Variants in PTPRD observed in about 807,000 individuals in gnomAD.
The protein encoded by PTPRD is protein tyrosine phosphatase receptor type D.
In PTPRD, 34 loss-of-function variants were observed where a neutral mutation model predicts 214.5. That is an observed-to-expected ratio of 0.16 (90% CI 0.12 to 0.21). The LOEUF is 0.21. Among genes scored for constraint, PTPRD ranks in the 10% least tolerant of loss-of-function variants. The pLI, the probability that PTPRD is intolerant of heterozygous loss-of-function variation, is 1.00. For synonymous variants in PTPRD, 1,128 were observed against 845.7 expected, an observed-to-expected ratio of 1.33 and a Z score of -5.79; for missense variants, 2,545 against 2,398.7, an observed-to-expected ratio of 1.06 and a Z score of -1.27.
intron 7 of PTPRD, among the ~76,000 whole-genome samples, chr9:9,707,209 G>A (rs895183421): frequency 6.6e-6 from 1 of 152,046 alleles, no homozygotes; most frequent in Admixed American, 6.6e-5. Context: ...TACATGTAAG[G>A]TATATTCTGA....
At chr9:9,452,591 A>G (rs932343595) in intron 8 of PTPRD, among the ~76,000 whole-genome samples, 36 of 151,286 alleles carry the variant, frequency 2.4e-4, no homozygotes, top group East Asian at 1.9e-4. Flanking sequence ...AACTTCCCAT[A>G]GCTAACTTAC....
intron 3 of PTPRD, among the ~76,000 whole-genome samples, chr9:10,278,002 T>C (rs1248771290): frequency 6.6e-6 from 1 of 151,582 alleles, no homozygotes; most frequent in Non-Finnish European, 1.5e-5. Flanking sequence ...CTACTAAAAA[T>C]ACAAAAAATT....
chr9:8,377,339 C>T (rs532055095), intron 37 of PTPRD, among the ~76,000 whole-genome samples: 3 of 151,970 alleles, frequency 2.0e-5, no homozygotes, highest in Non-Finnish European at 4.4e-5. Flanking sequence ...GGGTCACACA[C>T]TAACAGTGCA....
intron 7 of PTPRD, among the ~76,000 whole-genome samples, chr9:9,708,162 A>G (rs1222388956): frequency 6.6e-6 from 1 of 152,092 alleles, no homozygotes. Flanking sequence ...CAAATTGACA[A>G]AACATATTTC....
intron 6 of PTPRD, among the ~76,000 whole-genome samples, chr9:9,761,955 A>C (rs149448457): frequency 6.6e-6 from 1 of 152,208 alleles, no homozygotes; most frequent in Non-Finnish European, 1.5e-5. Context: ...CTGGCTTAAC[A>C]AAATACCAAA....
At chr9:8,730,023 A>G (rs1432498720) in intron 12 of PTPRD, among the ~76,000 whole-genome samples, 1 of 152,124 alleles carries the variant, frequency 6.6e-6, no homozygotes, top group African/African-American at 2.4e-5. Context: ...TTGGGAGGCC[A>G]AGATGGGTGG....
chr9:8,807,268 C>G (rs1043416696), intron 11 of PTPRD, among the ~76,000 whole-genome samples: 6 of 151,984 alleles, frequency 3.9e-5, no homozygotes, highest in Non-Finnish European at 5.9e-5. Context: ...ACCCGGGAGG[C>G]AGAGGTTGCA....
chr9:8,676,831 C>T (rs1421167341), intron 12 of PTPRD, among the ~76,000 whole-genome samples: 2 of 152,184 alleles, frequency 1.3e-5, no homozygotes, highest in Non-Finnish European at 2.9e-5. Flanking sequence ...GCCTTGGCCT[C>T]CCAAAGGGCT....
chr9:9,116,448 G>A (rs915629398), intron 10 of PTPRD, among the ~76,000 whole-genome samples: 2 of 151,970 alleles, frequency 1.3e-5, no homozygotes, highest in Non-Finnish European at 2.9e-5. Context: ...TGGTATAATG[G>A]ACATGAGAGA....
intron 2 of PTPRD, among the ~76,000 whole-genome samples, chr9:10,608,568 TGC>T (rs1398696743): frequency 1.3e-5 from 2 of 152,086 alleles, no homozygotes; most frequent in Non-Finnish European, 2.9e-5. Flanking sequence ...ATTTGCAAAA[TGC>T]AACTTCAGTT....
At chr9:8,459,645 C>A (rs1177773394) in intron 33 of PTPRD, among the ~76,000 whole-genome samples, 1 of 151,798 alleles carries the variant, frequency 6.6e-6, no homozygotes, top group Non-Finnish European at 1.5e-5. Flanking sequence ...ATGTTAGAGG[C>A]AGAAATAAAA....
chr9:8,316,355 C>T lies in PTPRD; in HGVS notation c.*1519G>A. Reference sequence around the variant, plus strand: ...CATCAATTATAAGGCACTCTAAATGCAAAACTAAAACCAAAACGAAACAAA... The same window carrying T: ...CATCAATTATAAGGCACTCTAAATGTAAAACTAAAACCAAAACGAAACAAA... On this transcript the variant is annotated 3_prime_UTR_variant, in exon 46 of 46. Coordinates refer to ENST00000381196, the MANE Select transcript of PTPRD (RefSeq NM_002839.4). The T allele has an allele frequency of 4.3e-6, 1 of 231,382 alleles. No homozygotes were observed. The highest frequency in any genetic ancestry group is 8.6e-6 in the Non-Finnish European group (1 of 116,672). The allele number at this position is 231,382 out of a possible 1,614,324, so 14.3% of individuals were successfully genotyped here. A position where few individuals can be genotyped will look rare whatever the true frequency, so the allele number is the denominator to read the frequency against.
chr9:9,421,284 A>G (rs2078708846), intron 8 of PTPRD, among the ~76,000 whole-genome samples: 1 of 6,150 alleles, frequency 1.6e-4, no homozygotes, highest in East Asian at 1.8e-3. Flanking sequence ...TGTCTTTGTG[A>G]AAAAAAAAAA....
At chr9:9,047,377 A>AT (rs2099674844) in intron 10 of PTPRD, among the ~76,000 whole-genome samples, 1 of 152,088 alleles carries the variant, frequency 6.6e-6, no homozygotes, top group Admixed American at 6.6e-5. Context: ...TACCAATGAC[A>AT]TTTTTTATAT....
At chr9:10,540,616 T>C (rs150006389) in intron 2 of PTPRD, among the ~76,000 whole-genome samples, 1 of 152,218 alleles carries the variant, frequency 6.6e-6, no homozygotes, top group Non-Finnish European at 1.5e-5. Context: ...TTGTAACTTA[T>C]ATTAATGTTA....
intron 14 of PTPRD, among the ~76,000 whole-genome samples, chr9:8,552,074 T>A (rs2082270162): frequency 6.6e-6 from 1 of 152,190 alleles, no homozygotes; most frequent in African/African-American, 2.4e-5. Context: ...ATCAATGACC[T>A]GGACCAGAGG....
chr9:10,099,819 G>C (rs2098533758), intron 3 of PTPRD, among the ~76,000 whole-genome samples: 1 of 151,490 alleles, frequency 6.6e-6, no homozygotes. Context: ...GATTGGGTAA[G>C]ATTAGAAATT....
chr9:8,430,602 C>A (rs932658061), intron 35 of PTPRD, among the ~76,000 whole-genome samples: 2 of 152,032 alleles, frequency 1.3e-5, no homozygotes, highest in South Asian at 4.1e-4. Context: ...TACACAAAGA[C>A]ATCATCAATA....
chr9:9,889,870 C>T (rs930011290), intron 5 of PTPRD, among the ~76,000 whole-genome samples: 3 of 151,772 alleles, frequency 2.0e-5, no homozygotes, highest in African/African-American at 4.8e-5. Flanking sequence ...GAAGGGTGCA[C>T]GGGTTCTCCA....
Sources: allele counts gnomAD v4.1 joint callset (sites outside exome capture counted in the v4.1 genomes callset), GRCh38; gene constraint gnomAD v4.1.1; transcripts MANE v1.5; gene names NCBI Gene and HGNC (gene_info 2026-07-23, HGNC 2026-07-21).